The following COL4A6 variants were observed in gnomAD, a reference collection of about 807,000 sequenced individuals.
The protein encoded by COL4A6 is collagen alpha-6(IV) chain.
COL4A6 carries 59 observed loss-of-function variants against 126.7 expected under a neutral mutation model. That is an observed-to-expected ratio of 0.47 (90% CI 0.38 to 0.58). The LOEUF (loss-of-function observed/expected upper bound fraction) is 0.58, where lower values mean the gene tolerates loss of function less well. COL4A6 is among the 20% of genes least tolerant of loss of function. COL4A6 has a pLI of 0.00. For missense variants in COL4A6, 1,285 were observed against 1,337.3 expected (o/e 0.96, Z 0.61); for synonymous variants, 547 against 496.6 (o/e 1.10, Z -1.35).
intron 3 of COL4A6, among the ~76,000 whole-genome samples, chrX:108,239,338 T>G (rs1449440397): frequency 8.9e-6 from 1 of 112,444 alleles, no homozygotes; most frequent in Non-Finnish European, 1.9e-5. Context: ...AGGTTTGTAA[T>G]CTATCCAGAG....
chrX:108,237,145 T>G (rs2036447796), intron 3 of COL4A6, among the ~76,000 whole-genome samples: 1 of 111,938 alleles, frequency 8.9e-6, no homozygotes, highest in Non-Finnish European at 1.9e-5. Context: ...CTCACCTGGA[T>G]AATGACAACA....
chrX:108,229,422 C>A (rs1166639097), intron 3 of COL4A6, among the ~76,000 whole-genome samples: 1 of 111,872 alleles, frequency 8.9e-6, no homozygotes, highest in Non-Finnish European at 1.9e-5. Flanking sequence ...TATTTTCGCT[C>A]CTTAGCATGC....
intron 5 of COL4A6, among the ~76,000 whole-genome samples, chrX:108,215,327 G>A (rs942016011): frequency 8.9e-5 from 10 of 112,412 alleles, no homozygotes; most frequent in Non-Finnish European, 1.1e-4. Context: ...GAAGTCCAGA[G>A]GAATGGTCAA....
chrX:108,339,574 T>C (rs1043202663), intron 2 of COL4A6, among the ~76,000 whole-genome samples: 1 of 111,585 alleles, frequency 9.0e-6, no homozygotes, highest in African/African-American at 3.3e-5. Context: ...AACCCTCTCT[T>C]AAACATAGCT....
chrX:108,417,447 A>G (rs1485191090), intron 2 of COL4A6, among the ~76,000 whole-genome samples: 1 of 112,269 alleles, frequency 8.9e-6, no homozygotes, highest in East Asian at 2.8e-4. Flanking sequence ...AGAATGGCCT[A>G]AACTATGTTC....
intron 2 of COL4A6, among the ~76,000 whole-genome samples, chrX:108,417,121 C>T (rs146383119): frequency 5.1e-3 from 568 of 111,379 alleles, no homozygotes; most frequent in Non-Finnish European, 8.4e-3. Flanking sequence ...AGTATTGATA[C>T]TGCAATATGG....
chrX:108,360,493 T>G (rs761968338), intron 2 of COL4A6, among the ~76,000 whole-genome samples: 18 of 110,395 alleles, frequency 1.6e-4, no homozygotes, highest in African/African-American at 5.6e-4. Flanking sequence ...GTTTTGCGAT[T>G]AGTATAGTCA....
At chrX:108,356,076 CT>C (rs2039953397) in intron 2 of COL4A6, among the ~76,000 whole-genome samples, 1 of 107,827 alleles carries the variant, frequency 9.3e-6, no homozygotes, top group South Asian at 4.3e-4. Context: ...TTAGGTATAT[CT>C]CCTAATGCTA....
chrX:108,195,174 A>G, intron 14 of COL4A6, 48 bp from the exon 15 acceptor site: 1 of 995,761 alleles, frequency 1.0e-6, no homozygotes, highest in South Asian at 2.1e-5. Context: ...GGCTACCTAG[A>G]AAAAGCCACT....
Position 108,358,958 on chromosome X carries a change from G to A in COL4A6, c.64-48130C>T, listed in dbSNP as rs1299456742. On this transcript the variant is annotated intron_variant, in intron 2 of 44. Coordinates refer to ENST00000334504, the MANE Select transcript of COL4A6 (RefSeq NM_033641.4). ...AGGCATGAGGGAGAGGGAGTACATC[G>A]AAAAGAGCTTCAGAGTCCTAGGGAC... Among the ~76,000 whole-genome samples, 4 of 111,523 alleles carry A rather than the reference G, an allele frequency of 3.6e-5. No homozygotes were observed. In the East Asian group the frequency reaches 8.5e-4, roughly 24 times the overall value.
At chrX:108,392,695 G>T (rs1467354834) in intron 2 of COL4A6, among the ~76,000 whole-genome samples, 1 of 111,279 alleles carries the variant, frequency 9.0e-6, no homozygotes, top group Admixed American at 9.6e-5. Context: ...TTCAGGAGGT[G>T]ATTAGGTCAT....
intron 3 of COL4A6, among the ~76,000 whole-genome samples, chrX:108,248,510 C>G (rs534801362): frequency 1.8e-3 from 203 of 110,230 alleles, no homozygotes; most frequent in African/African-American, 6.4e-3. Context: ...TTTCAAGGCT[C>G]GAGGAAAAAT....
At chrX:108,378,579 C>T (rs1326552489) in intron 2 of COL4A6, among the ~76,000 whole-genome samples, 1 of 112,393 alleles carries the variant, frequency 8.9e-6, no homozygotes, top group Non-Finnish European at 1.9e-5. Flanking sequence ...CTTCACTTGA[C>T]GTTAGATGCA....
chrX:108,318,218 G>A lies in COL4A6; in HGVS notation c.64-7390C>T, dbSNP rs756747450. ...TCAATAAATTAGGTATTGATGGGACGTATCTCAAAATAATAAGAGCTATCT... is the reference window on the plus strand; with the variant it reads ...TCAATAAATTAGGTATTGATGGGACATATCTCAAAATAATAAGAGCTATCT... On this transcript the variant is annotated intron_variant, in intron 2 of 44. Coordinates refer to ENST00000334504, the MANE Select transcript of COL4A6 (RefSeq NM_033641.4). Among the ~76,000 whole-genome samples the A allele has an allele frequency of 3.1e-3, 348 of 111,263 alleles. 2 individuals are homozygous for A. Among genetic ancestry groups the A allele is most frequent in the Middle Eastern group, 0.019 (4 of 216 alleles).
intron 22 of COL4A6, 62 bp downstream of exon 22, chrX:108,187,785 AC>A: frequency 9.4e-7 from 1 of 1,059,251 alleles, no homozygotes; most frequent in Non-Finnish European, 1.3e-6. Context: ...TGGCCATCAG[AC>A]CCCCCAACAA....
chrX:108,245,709 G>A (rs945354333), intron 3 of COL4A6, among the ~76,000 whole-genome samples: 6 of 111,801 alleles, frequency 5.4e-5, no homozygotes, highest in African/African-American at 1.9e-4. Flanking sequence ...TTTTAGCAGA[G>A]GAAACAATGA....
intron 3 of COL4A6, among the ~76,000 whole-genome samples, chrX:108,260,980 A>G (rs1330438858): frequency 8.1e-5 from 9 of 110,765 alleles, no homozygotes; most frequent in African/African-American, 2.9e-4. Context: ...ATTTGACTGT[A>G]TCCTACCTTC....
At chrX:108,307,638 C>G (rs1387830040) in intron 3 of COL4A6, among the ~76,000 whole-genome samples, 1 of 112,196 alleles carries the variant, frequency 8.9e-6, no homozygotes, top group East Asian at 2.8e-4. Flanking sequence ...CCAAGGGCTG[C>G]AGCACATCTC....
At chrX:108,249,598 A>C (rs2036800709) in intron 3 of COL4A6, among the ~76,000 whole-genome samples, 1 of 112,021 alleles carries the variant, frequency 8.9e-6, no homozygotes. Flanking sequence ...CCAATCTCAG[A>C]TAATGACAGC....
Sources: gnomAD v4.1 joint callset for allele counts (sites outside exome capture counted in the v4.1 genomes callset) on GRCh38, gnomAD v4.1.1 for gene constraint, MANE v1.5 for transcripts, NCBI Gene and HGNC (gene_info 2026-07-23, HGNC 2026-07-21) for gene names.